The following FSTL4 variants were observed in gnomAD, a reference collection of about 807,000 sequenced individuals.
The protein encoded by FSTL4 is follistatin-related protein 4.
FSTL4 carries 28 observed loss-of-function variants against 78.2 expected under a neutral mutation model. The observed-to-expected ratio is 0.36, with a 90% confidence interval of 0.27 to 0.49. The LOEUF (loss-of-function observed/expected upper bound fraction) is 0.49. Among genes scored for constraint, FSTL4 ranks in the 20% least tolerant of loss-of-function variants. The pLI is 0.98. For synonymous variants in FSTL4, 422 were observed against 440.5 expected, an observed-to-expected ratio of 0.96 and a Z score of 0.53; for missense variants, 922 against 1,084.9, an observed-to-expected ratio of 0.85 and a Z score of 2.11.
At chr5:133,510,288 T>C (rs1758700395) in intron 3 of FSTL4, among the ~76,000 whole-genome samples, 1 of 152,218 alleles carries the variant, frequency 6.6e-6, no homozygotes, top group African/African-American at 2.4e-5. Flanking sequence ...ACAGTGGTTC[T>C]GGGCAAAACA....
At chr5:133,769,993 G>T in the FSTL4 span, among the ~76,000 whole-genome samples, 1 of 152,056 alleles carries the variant, frequency 6.6e-6, no homozygotes, top group Non-Finnish European at 1.5e-5. Context: ...TTAGGGTAAT[G>T]GCCTCCAGTT....
rs571385847 is a variant in FSTL4, at chr5:133,230,669, C to T, written c.1015+2748G>A. ...GCCTCAGATCTGCCTGCTCCACCTC[C>T]GGTGCCCCTGCGTCTCCCCAGTTTT... On this transcript the variant is annotated intron_variant, in intron 8 of 15. Transcript: ENST00000265342. Among the ~76,000 whole-genome samples the T allele has an allele frequency of 8.5e-5, 13 of 152,260 alleles. No homozygotes were observed. In the South Asian group the frequency reaches 1.2e-3, roughly 15 times the overall value.
the FSTL4 span, among the ~76,000 whole-genome samples, chr5:133,749,888 A>G: frequency 6.6e-6 from 1 of 152,224 alleles, no homozygotes; most frequent in Non-Finnish European, 1.5e-5. Flanking sequence ...TAAGCCAGGT[A>G]TTATAACAGC....
rs752875941 is a variant in FSTL4, at chr5:133,426,568, G to A, written c.161-25582C>T. ...GCAGCAGAGGAAACTGAACTGTACC[G>A]TGGGTTGGGGAATGATCAATGCCGG... On this transcript the variant is annotated intron_variant, in intron 3 of 15. Transcript: ENST00000265342. This position sits in a 1 kb window ranked among gnomAD's most constrained non-coding sequence, Gnocchi z 5.0. Among the ~76,000 whole-genome samples, 5 of 152,188 alleles carry A rather than the reference G, an allele frequency of 3.3e-5. No homozygotes were observed. Among genetic ancestry groups the A allele is most frequent in the African/African-American group, 7.2e-5 (3 of 41,446 alleles).
intron 3 of FSTL4, among the ~76,000 whole-genome samples, chr5:133,550,690 CCAGTA>C (rs1759674352): frequency 6.6e-6 from 1 of 152,172 alleles, no homozygotes; most frequent in African/African-American, 2.4e-5. Flanking sequence ...AGTAATATAA[CCAGTA>C]CATTGGATCA....
chr5:133,628,361 C>CTTTTTT, the FSTL4 span, among the ~76,000 whole-genome samples: 1 of 137,780 alleles, frequency 7.3e-6, no homozygotes, highest in Non-Finnish European at 1.5e-5. Context: ...CTTTTCTTTT[C>CTTTTTT]TTTTCTTTTT....
the FSTL4 span, among the ~76,000 whole-genome samples, chr5:133,818,931 C>CTATATATATATATATATATATATATATA: frequency 0.022 from 1,328 of 61,428 alleles, 190 homozygotes; most frequent in African/African-American, 0.027. Flanking sequence ...TTAGAAGATA[C>CTATATATATATATATATATATATATATA]TATATATATA....
chr5:133,612,024 C>T lies in FSTL4; in HGVS notation c.-11+301G>A, dbSNP rs905755959. On this transcript the variant is annotated intron_variant, in intron 1 of 15. Transcript: ENST00000265342. The surrounding 1 kb of genome is among the most constrained non-coding windows in gnomAD (Gnocchi z 6.2). The stretch of plus-strand genomic sequence containing the variant: ...TCTGCGTGGCGCCCCGCGTGCCAAC[C>T]GGGTCACTCCGGTCCCCACCGTAGA... 5.3e-5 allele frequency among the ~76,000 whole-genome samples: 8 copies of T among 151,920 alleles called. No individual in the cohort carries two copies. The highest frequency in any genetic ancestry group is 1.9e-4 in the African/African-American group (8 of 41,414).
chr5:133,326,488 C>T (rs145006099), intron 4 of FSTL4, among the ~76,000 whole-genome samples: 285 of 152,302 alleles, frequency 1.9e-3, no homozygotes, highest in African/African-American at 6.4e-3. Context: ...CACCCTGTGG[C>T]GGTGTTTATG....
At chr5:133,271,603 A>C (rs1362313446) in intron 6 of FSTL4, among the ~76,000 whole-genome samples, 1 of 152,190 alleles carries the variant, frequency 6.6e-6, no homozygotes, top group Admixed American at 6.5e-5. Flanking sequence ...TGAGATACCA[A>C]GTCCCTTCTG....
chr5:133,753,683 C>CTA, the FSTL4 span, among the ~76,000 whole-genome samples: 4 of 120,600 alleles, frequency 3.3e-5, no homozygotes, highest in African/African-American at 9.1e-5. Flanking sequence ...CACATTTGTT[C>CTA]TGTGTGTGTG....
At chr5:133,414,343 C>T (rs1481980674) in intron 3 of FSTL4, among the ~76,000 whole-genome samples, 3 of 152,142 alleles carry the variant, frequency 2.0e-5, no homozygotes, top group African/African-American at 7.2e-5. Context: ...CTTTCTTGTT[C>T]ACCCTTACAC....
intron 3 of FSTL4, among the ~76,000 whole-genome samples, chr5:133,566,108 G>A (rs1760021902): frequency 6.6e-6 from 1 of 152,138 alleles, no homozygotes; most frequent in Non-Finnish European, 1.5e-5. Context: ...ATGGCAAATG[G>A]GAATGTAAGC....
chr5:133,743,483 C>T, the FSTL4 span, among the ~76,000 whole-genome samples: 2 of 152,138 alleles, frequency 1.3e-5, no homozygotes, highest in African/African-American at 4.8e-5. Context: ...TAGGCAAATC[C>T]ATTCACTTCT....
chr5:133,445,940 CA>C (rs1757254059), intron 3 of FSTL4, among the ~76,000 whole-genome samples: 1 of 152,190 alleles, frequency 6.6e-6, no homozygotes, highest in African/African-American at 2.4e-5. Context: ...CCATTCTAGG[CA>C]AACCACGTGT....
At chr5:133,840,307 A>T in the FSTL4 span, among the ~76,000 whole-genome samples, 3 of 152,258 alleles carry the variant, frequency 2.0e-5, no homozygotes, top group African/African-American at 7.2e-5. Context: ...CTTCCAGTGC[A>T]TATGCACAGC....
intron 2 of FSTL4, among the ~76,000 whole-genome samples, chr5:133,595,308 GC>G (rs1188412678): frequency 1.2e-4 from 18 of 152,228 alleles, no homozygotes; most frequent in Non-Finnish European, 1.5e-5. Context: ...AGATGTGGAA[GC>G]CCAAGGGAGT....
At chr5:133,615,439 C>G (rs555693394), upstream of FSTL4, among the ~76,000 whole-genome samples, 1 of 152,334 alleles carries the variant, frequency 6.6e-6, no homozygotes, top group East Asian at 1.9e-4. Context: ...CTCTAGGGCT[C>G]AGTGAGCCTG....
chr5:133,514,182 G>GATAATAATAATAATA, intron 3 of FSTL4, among the ~76,000 whole-genome samples: 1 of 116,634 alleles, frequency 8.6e-6, no homozygotes, highest in South Asian at 2.7e-4. Flanking sequence ...CCGTCTCAAT[G>GATAATAATAATAATA]ATAATAATAA....
Sources: gnomAD v4.1 joint callset for allele counts (sites outside exome capture counted in the v4.1 genomes callset) on GRCh38, gnomAD v4.1.1 for gene constraint, Gnocchi (gnomAD v3.1) non-coding constraint, MANE v1.5 for transcripts, NCBI Gene and HGNC (gene_info 2026-07-23, HGNC 2026-07-21) for gene names.